OXR1: variants seen among roughly 807,000 people sequenced by gnomAD.
OXR1 encodes the protein oxidation resistance protein 1.
In OXR1, 41 loss-of-function variants were observed where a neutral mutation model predicts 104.6. The observed-to-expected ratio is 0.39, with a 90% CI of 0.31 to 0.51. The LOEUF (loss-of-function observed/expected upper bound fraction) is 0.51. OXR1 is among the 20% of genes least tolerant of loss of function. The probability of loss-of-function intolerance (pLI) is 0.77; values close to 1 mark genes in which losing one functional copy is unlikely to be tolerated. For missense variants in OXR1, 955 were observed against 1,031.9 expected (o/e 0.93, Z 1.02); for synonymous variants, 348 against 348.4 (o/e 1.00, Z 0.01).
chr8:106,541,335 TA>T (rs1814936117), intron 3 of OXR1, among the ~76,000 whole-genome samples: 1 of 152,214 alleles, frequency 6.6e-6, no homozygotes, highest in African/African-American at 2.4e-5. Flanking sequence ...TGTTGCTCCT[TA>T]AACAGTGTTT....
intron 2 of OXR1, among the ~76,000 whole-genome samples, chr8:106,415,264 C>T (rs965249698): frequency 6.6e-6 from 1 of 151,930 alleles, no homozygotes; most frequent in Admixed American, 6.6e-5. Flanking sequence ...AAATCTATTG[C>T]CATCTGTCTT....
chr8:106,675,008 G>A (rs1175027131), intron 3 of OXR1, among the ~76,000 whole-genome samples: 3 of 152,088 alleles, frequency 2.0e-5, no homozygotes. Context: ...AATGTTGAGA[G>A]TAGAAAGAAA....
intron 5 of OXR1, among the ~76,000 whole-genome samples, chr8:106,684,031 T>A (rs1184054347): frequency 2.0e-5 from 3 of 152,206 alleles, no homozygotes; most frequent in Non-Finnish European, 4.4e-5. Context: ...TGACAATTAA[T>A]GTTTCCTCAC....
At chr8:106,451,180 T>C (rs1820294328) in intron 2 of OXR1, among the ~76,000 whole-genome samples, 1 of 152,108 alleles carries the variant, frequency 6.6e-6, no homozygotes, top group South Asian at 2.1e-4. Flanking sequence ...AAGAAGGCCG[T>C]CACCTGAGCA....
intron 1 of OXR1, among the ~76,000 whole-genome samples, chr8:106,301,501 G>A (rs1479379935): frequency 6.6e-6 from 1 of 152,190 alleles, no homozygotes; most frequent in Non-Finnish European, 1.5e-5. Context: ...TCTAACTTTT[G>A]TAATGCAGTT....
rs28921420 is a variant in OXR1, at chr8:106,707,065, A to G, written c.1544A>G (p.Lys515Arg). The G allele has an allele frequency of 7.3e-4, 1,180 of 1,613,956 alleles. 10 individuals are homozygous for G. In the African/African-American group the frequency reaches 0.014, roughly 19 times the overall value. ...LWKTHTMQQT[K>R]QQRENIQQVS... Reference sequence around the variant, plus strand: ...AAAACCCATACTATGCAACAAACTAAACAGCAAAGGGAAAATATTCAACAA... The same window carrying G: ...AAAACCCATACTATGCAACAAACTAGACAGCAAAGGGAAAATATTCAACAA... The change falls in exon 9 of 17, where the codon AAA (lysine) becomes AGA (arginine). Residue 515 changes from lysine to arginine, a missense_variant. Transcript: ENST00000517566.
At chr8:106,424,615 A>G (rs1442847728) in intron 2 of OXR1, among the ~76,000 whole-genome samples, 3 of 152,078 alleles carry the variant, frequency 2.0e-5, no homozygotes, top group Non-Finnish European at 4.4e-5. Flanking sequence ...TCCAACATCT[A>G]AAATTATTTC....
intron 11 of OXR1, among the ~76,000 whole-genome samples, chr8:106,734,184 G>A (rs188131724): frequency 6.6e-6 from 1 of 151,964 alleles, no homozygotes; most frequent in Non-Finnish European, 1.5e-5. Context: ...TCTCAAACTG[G>A]AATGTTATTT....
Position 106,604,446 on chromosome 8 carries a change from C to T in OXR1, c.221-74764C>T, listed in dbSNP as rs758461559. Among the ~76,000 whole-genome samples the T allele has an allele frequency of 2.1e-4, 32 of 152,038 alleles. 1 individual carries two copies. The highest frequency in any genetic ancestry group is 7.0e-4 in the African/African-American group (29 of 41,468). Reference sequence around the variant, plus strand: ...GCTGGGATTACAAGTGTGAGCCACCCGTATACAGTATTATTGATATCCTCC... The same window carrying T: ...GCTGGGATTACAAGTGTGAGCCACCTGTATACAGTATTATTGATATCCTCC... On this transcript the variant is annotated intron_variant, in intron 3 of 16. Coordinates refer to ENST00000517566, the MANE Select transcript of OXR1 (RefSeq NM_001198533.2).
chr8:106,451,434 A>G (rs1337005636), intron 2 of OXR1, among the ~76,000 whole-genome samples: 1 of 152,228 alleles, frequency 6.6e-6, no homozygotes, highest in Non-Finnish European at 1.5e-5. Context: ...GGATCAGAAT[A>G]GAGTTAAGAA....
intron 3 of OXR1, among the ~76,000 whole-genome samples, chr8:106,666,399 C>T (rs1014905186): frequency 1.3e-5 from 2 of 152,152 alleles, no homozygotes; most frequent in African/African-American, 4.8e-5. Context: ...AAATTGGATT[C>T]AGGATTCTGT....
intron 2 of OXR1, among the ~76,000 whole-genome samples, chr8:106,504,469 G>A (rs1812022419): frequency 6.6e-6 from 1 of 152,188 alleles, no homozygotes; most frequent in Non-Finnish European, 1.5e-5. Context: ...AGAATACAGG[G>A]CACTGAAGGC....
chr8:106,287,106 C>T (rs532286626), intron 1 of OXR1, among the ~76,000 whole-genome samples: 1 of 152,052 alleles, frequency 6.6e-6, no homozygotes, highest in Non-Finnish European at 1.5e-5. Context: ...TAAAAATGAG[C>T]ATTTCAAATG....
At chr8:106,527,917 T>G (rs1813809921) in intron 3 of OXR1, among the ~76,000 whole-genome samples, 1 of 152,154 alleles carries the variant, frequency 6.6e-6, no homozygotes, top group Admixed American at 6.5e-5. Context: ...AATTCTCTTT[T>G]CAAAAACAAA....
intron 3 of OXR1, among the ~76,000 whole-genome samples, chr8:106,593,346 C>T (rs373521844): frequency 6.6e-5 from 10 of 152,130 alleles, no homozygotes; most frequent in East Asian, 1.9e-4. Context: ...CCTTTTTTGT[C>T]TAATTTGTAT....
At chr8:106,448,043 C>A (rs904652141) in intron 2 of OXR1, 1 of 1,535,812 alleles carries the variant, frequency 6.5e-7, no homozygotes, top group South Asian at 1.2e-5. Context: ...ACAAAAACAG[C>A]CCAGGGTAGG....
At chr8:106,373,861 A>G (rs1816805132) in intron 2 of OXR1, among the ~76,000 whole-genome samples, 1 of 152,300 alleles carries the variant, frequency 6.6e-6, no homozygotes, top group African/African-American at 2.4e-5. Context: ...AACTGTTGGG[A>G]TTACAGGTGT....
At chr8:106,470,765 G>A (rs1039631740) in intron 2 of OXR1, among the ~76,000 whole-genome samples, 3 of 151,756 alleles carry the variant, frequency 2.0e-5, no homozygotes, top group Admixed American at 6.6e-5. Flanking sequence ...AAAAGAGACT[G>A]AGAAGAAGTG....
intron 2 of OXR1, among the ~76,000 whole-genome samples, chr8:106,484,067 T>A (rs1007846550): frequency 2.6e-5 from 4 of 151,896 alleles, no homozygotes; most frequent in African/African-American, 9.7e-5. Flanking sequence ...AGAAAAAAAA[T>A]GATAAGCTGA....
Sources: gnomAD v4.1 joint callset for allele counts (sites outside exome capture counted in the v4.1 genomes callset) on GRCh38, gnomAD v4.1.1 for gene constraint, MANE v1.5 for transcripts, NCBI Gene and HGNC (gene_info 2026-07-23, HGNC 2026-07-21) for gene names.